Variants in ADARB2 observed in about 807,000 individuals in gnomAD.
ADARB2 encodes the protein inactive double-stranded RNA-specific editase B2.
ADARB2 carries 25 observed loss-of-function variants against 62.2 expected under a neutral mutation model. The observed-to-expected ratio is 0.40, with a 90% CI of 0.29 to 0.56. The LOEUF is 0.56. Among genes scored for constraint, ADARB2 ranks in the 20% least tolerant of loss-of-function variants. The pLI is 0.43. For missense variants in ADARB2, 1,071 were observed against 1,077.4 expected (o/e 0.99, Z 0.08); for synonymous variants, 572 against 500.8 (o/e 1.14, Z -1.90).
At chr10:1,590,874 G>C (rs1192216011) in intron 1 of ADARB2, among the ~76,000 whole-genome samples, 1 of 152,144 alleles carries the variant, frequency 6.6e-6, no homozygotes. Flanking sequence ...TGCTGCAGGA[G>C]CTGTGATGAG....
intron 5 of ADARB2, among the ~76,000 whole-genome samples, chr10:1,240,682 G>T (rs1043974499): frequency 1.3e-5 from 2 of 152,144 alleles, no homozygotes; most frequent in Non-Finnish European, 2.9e-5. Flanking sequence ...GGTTCCCCAT[G>T]CAGGGCAGGC....
At chr10:1,576,018 A>G in intron 1 of ADARB2, among the ~76,000 whole-genome samples, 2 of 19,030 alleles carry the variant, frequency 1.1e-4, no homozygotes, top group Admixed American at 5.7e-4. Context: ...GATCCATGGG[A>G]GGGGGCCCAG....
chr10:1,205,948 G>GT (rs1196428853), intron 7 of ADARB2, among the ~76,000 whole-genome samples: 50 of 128,832 alleles, frequency 3.9e-4, no homozygotes, highest in African/African-American at 1.2e-3. Flanking sequence ...GGTCAGGTGG[G>GT]GTCACGGGGC....
At chr10:1,686,403 T>G (rs1431827214) in intron 1 of ADARB2, among the ~76,000 whole-genome samples, 2 of 152,200 alleles carry the variant, frequency 1.3e-5, no homozygotes, top group Admixed American at 1.3e-4. Context: ...GAAGCATACC[T>G]TGAAAACTAC....
At chr10:1,577,960 C>A (rs913334780) in intron 1 of ADARB2, among the ~76,000 whole-genome samples, 1 of 152,182 alleles carries the variant, frequency 6.6e-6, no homozygotes, top group Non-Finnish European at 1.5e-5. Flanking sequence ...ACAGTGGCTG[C>A]AAGCCATGAA....
chr10:1,284,151 AG>A (rs1249332781), intron 3 of ADARB2, among the ~76,000 whole-genome samples: 1 of 152,176 alleles, frequency 6.6e-6, no homozygotes, highest in African/African-American at 2.4e-5. Context: ...TATACCTGCC[AG>A]GGATACATCA....
intron 1 of ADARB2, among the ~76,000 whole-genome samples, chr10:1,724,052 C>A (rs748008368): frequency 1.3e-5 from 2 of 152,178 alleles, no homozygotes; most frequent in Admixed American, 6.5e-5. Flanking sequence ...GGTGTTCCCC[C>A]AAAATTCATG....
At position 1,529,055 on chromosome 10, in the gene ADARB2, A is replaced by G. The variant is rs1195052787; in HGVS notation, c.101-149895T>C. On this transcript the variant is annotated intron_variant, in intron 1 of 9. Coordinates refer to ENST00000381312, the MANE Select transcript of ADARB2 (RefSeq NM_018702.4). Reference sequence around the variant, plus strand: ...AGGAGCCAAGCAGCACCACCCCAACAAATCCTCCAATCAGTCCACCCACCA... The same window carrying G: ...AGGAGCCAAGCAGCACCACCCCAACGAATCCTCCAATCAGTCCACCCACCA... Among the ~76,000 whole-genome samples, 4 of 147,096 alleles carry G rather than the reference A, an allele frequency of 2.7e-5. No homozygotes were observed. The Admixed American group carries it at 2.8e-4, about 10-fold the overall frequency.
chr10:1,296,496 C>G (rs1831524336), intron 3 of ADARB2, among the ~76,000 whole-genome samples: 1 of 152,152 alleles, frequency 6.6e-6, no homozygotes, highest in Non-Finnish European at 1.5e-5. Context: ...ATTGAGACAC[C>G]TAACTGGCGG....
chr10:1,619,459 T>C (rs1360066800), intron 1 of ADARB2, among the ~76,000 whole-genome samples: 1 of 152,164 alleles, frequency 6.6e-6, no homozygotes, highest in African/African-American at 2.4e-5. Flanking sequence ...CTGCAGAACA[T>C]GTATTTTTGT....
intron 4 of ADARB2, among the ~76,000 whole-genome samples, chr10:1,262,292 T>TAATAATAATAAC (rs1554749748): frequency 1.7e-5 from 2 of 120,584 alleles, no homozygotes; most frequent in African/African-American, 3.9e-5. Flanking sequence ...TAAAGTATAA[T>TAATAATAATAAC]AATAATAATA....
In ADARB2 at chr10:1,188,940, C is replaced by T. The variant is rs562089270; in HGVS notation, c.1865-3901G>A. Among the ~76,000 whole-genome samples, 8 of 152,380 alleles carry T rather than the reference C, an allele frequency of 5.3e-5. No individual in the cohort carries two copies. The South Asian group carries it at 6.2e-4, about 12-fold the overall frequency. The stretch of plus-strand genomic sequence containing the variant: ...TTCCTTCTCCAGTGCGGCCAGCAGC[C>T]AGGCCCTCTTCCCACGCTGGGGCCC... On this transcript the variant is annotated intron_variant, in intron 8 of 9. Coordinates refer to ENST00000381312, the MANE Select transcript of ADARB2 (RefSeq NM_018702.4).
chr10:1,453,151 T>C (rs1564293384), intron 1 of ADARB2, among the ~76,000 whole-genome samples: 3 of 152,156 alleles, frequency 2.0e-5, no homozygotes, highest in Admixed American at 2.0e-4. Context: ...CTTGAAGGAG[T>C]TGTATCAGCA....
chr10:1,527,320 T>C (rs1274719406), intron 1 of ADARB2, among the ~76,000 whole-genome samples: 1 of 152,238 alleles, frequency 6.6e-6, no homozygotes, highest in Non-Finnish European at 1.5e-5. Flanking sequence ...GACATTCTCA[T>C]CCCCACATAG....
intron 3 of ADARB2, among the ~76,000 whole-genome samples, chr10:1,326,836 C>CGACGG: frequency 2.2e-5 from 2 of 90,338 alleles, no homozygotes; most frequent in African/African-American, 4.2e-5. Context: ...CAGCGCCTCC[C>CGACGG]CACGGCCCAG....
intron 3 of ADARB2, among the ~76,000 whole-genome samples, chr10:1,319,373 G>A (rs1270177409): frequency 2.0e-5 from 3 of 152,166 alleles, no homozygotes; most frequent in Non-Finnish European, 4.4e-5. Flanking sequence ...CTGGGGGTGG[G>A]TGGAGAAGAT....
rs11813234 is a variant in ADARB2 at position 1,205,381 on chromosome 10, C to T, written c.1683-5234G>A. ...GGCACAGCCTGAGGGAGACAACTCA[C>T]GGGAGCCCGTGGCACAGCCTGAGGG... is the stretch of plus-strand genomic sequence containing the variant. On this transcript the variant is annotated intron_variant, in intron 7 of 9. Transcript: ENST00000381312. 9.7e-3 allele frequency among the ~76,000 whole-genome samples: 978 copies of T among 100,562 alleles called. 10 individuals are homozygous for T. Among genetic ancestry groups the T allele is most frequent in the African/African-American group, 0.027 (879 of 32,384 alleles). 66.0% of individuals were successfully genotyped at this position (100,562 alleles called of 152,430 possible).
intron 1 of ADARB2, among the ~76,000 whole-genome samples, chr10:1,668,302 A>T (rs994006814): frequency 6.6e-6 from 1 of 152,230 alleles, no homozygotes; most frequent in African/African-American, 2.4e-5. Context: ...ATTAGAACCC[A>T]GTCATGTGAC....
intron 1 of ADARB2, among the ~76,000 whole-genome samples, chr10:1,380,381 G>A (rs199591409): frequency 1.3e-5 from 2 of 152,258 alleles, no homozygotes; most frequent in African/African-American, 4.8e-5. Context: ...ATCCGCGGAC[G>A]GGATTTCCCA....
Sources: allele counts gnomAD v4.1 joint callset (sites outside exome capture counted in the v4.1 genomes callset), GRCh38; gene constraint gnomAD v4.1.1; transcripts MANE v1.5; gene names NCBI Gene and HGNC (gene_info 2026-07-23, HGNC 2026-07-21).